The following PEBP4 variants were observed in gnomAD, a reference collection of about 807,000 sequenced individuals.
The protein encoded by PEBP4 is phosphatidylethanolamine-binding protein 4.
PEBP4 carries 22 observed loss-of-function variants against 23.9 expected under a neutral mutation model. That is an observed-to-expected ratio of 0.92 (90% CI 0.66 to 1.31). The LOEUF (loss-of-function observed/expected upper bound fraction) is 1.31, where lower values mean the gene tolerates loss of function less well. PEBP4 is among the 40% of genes most tolerant of loss of function. The pLI is 0.00. For synonymous variants in PEBP4, 112 were observed against 99.3 expected (o/e 1.13, Z -0.76); for missense variants, 324 against 281.7 (o/e 1.15, Z -1.07).
chr8:22,752,631 C>T (rs1805292572), intron 4 of PEBP4, among the ~76,000 whole-genome samples: 1 of 152,244 alleles, frequency 6.6e-6, no homozygotes, highest in African/African-American at 2.4e-5. Flanking sequence ...AGGGAATCTC[C>T]TCTTGCAACC....
At chr8:22,722,404 A>T (rs963169395) in intron 6 of PEBP4, among the ~76,000 whole-genome samples, 1 of 152,178 alleles carries the variant, frequency 6.6e-6, no homozygotes, top group African/African-American at 2.4e-5. Context: ...TGAAACTACT[A>T]ACTAGAGAGA....
intron 3 of PEBP4, among the ~76,000 whole-genome samples, chr8:22,862,751 A>G (rs1458990266): frequency 6.6e-6 from 1 of 150,376 alleles, no homozygotes; most frequent in Non-Finnish European, 1.5e-5. Context: ...AGCTAGTAGG[A>G]GTGGAGGTAC....
intron 3 of PEBP4, among the ~76,000 whole-genome samples, chr8:22,859,519 TAGA>T (rs1807721728): frequency 6.6e-6 from 1 of 152,140 alleles, no homozygotes; most frequent in African/African-American, 2.4e-5. Context: ...GGGACCTATT[TAGA>T]AGAAGAGGTT....
chr8:22,857,241 TACACACAC>T (rs35324307), intron 3 of PEBP4, among the ~76,000 whole-genome samples: 4 of 148,010 alleles, frequency 2.7e-5, no homozygotes, highest in East Asian at 4.0e-4. Flanking sequence ...AAATGAAACC[TACACACAC>T]ACACACACAC....
At chr8:22,860,224 A>G (rs566628210) in intron 3 of PEBP4, among the ~76,000 whole-genome samples, 42 of 146,642 alleles carry the variant, frequency 2.9e-4, no homozygotes, top group African/African-American at 1.0e-3. Context: ...ATGTATATAT[A>G]TATATGGTGC....
chr8:22,734,603 G>A (rs891780123), intron 4 of PEBP4, among the ~76,000 whole-genome samples: 11 of 152,176 alleles, frequency 7.2e-5, no homozygotes, highest in African/African-American at 2.7e-4. Context: ...GCACAGTCTG[G>A]CAATGGGACT....
chr8:22,725,999 ATGTGTGTGTG>A (rs10680983), intron 5 of PEBP4, among the ~76,000 whole-genome samples: 232 of 146,442 alleles, frequency 1.6e-3, no homozygotes, highest in African/African-American at 4.9e-3. Context: ...GATCAGATAT[ATGTGTGTGTG>A]TGTGTGTGTG....
chr8:22,920,264 C>A lies in PEBP4; in HGVS notation c.178G>T (p.Val60Phe). The A allele has an allele frequency of 1.2e-6, 2 of 1,613,770 alleles. No homozygotes were observed. The highest frequency in any genetic ancestry group is 1.7e-6 in the Non-Finnish European group (2 of 1,179,764). The change falls in exon 3 of 7, where the codon GTT (valine) becomes TTT (phenylalanine). Residue 60 changes from valine to phenylalanine, a missense_variant. Val to Phe is a conservative substitution (Grantham distance 50, BLOSUM62 -1). Transcript: ENST00000256404. The part of the protein sequence containing the change: ...YPELGNIGCK[V>F]VPDCNNYRQK... Reference sequence around the variant, plus strand: ...CTGTAGTTGTTACAATCAGGAACAACCTTGCAGCCAATGTTCCCCAACTCT... The same window carrying A: ...CTGTAGTTGTTACAATCAGGAACAAACTTGCAGCCAATGTTCCCCAACTCT...
chr8:22,727,546 G>A (rs982962069), intron 4 of PEBP4, among the ~76,000 whole-genome samples: 1 of 152,092 alleles, frequency 6.6e-6, no homozygotes. Context: ...GCTGTTCCAC[G>A]ATCCCTATTG....
At chr8:22,839,849 C>T (rs182445486) in intron 3 of PEBP4, among the ~76,000 whole-genome samples, 3 of 152,220 alleles carry the variant, frequency 2.0e-5, no homozygotes, top group African/African-American at 7.2e-5. Context: ...TTTTTACCCC[C>T]TCGCCCAAAC....
In PEBP4 at chr8:22,768,236, T is replaced by C. The variant is rs1011059397; in HGVS notation, c.358-41016A>G. Among the ~76,000 whole-genome samples the C allele has an allele frequency of 2.6e-5, 4 of 152,320 alleles. No homozygotes were observed. In the South Asian group the frequency reaches 6.2e-4, roughly 24 times the overall value. On this transcript the variant is annotated intron_variant, in intron 4 of 6. Coordinates refer to ENST00000256404, the MANE Select transcript of PEBP4 (RefSeq NM_144962.3). ...TGAAGTGACTGCCCACGAACACTTC[T>C]TGTGTCCCTCTGCCCCCTGGTAGAT...
intron 3 of PEBP4, among the ~76,000 whole-genome samples, chr8:22,867,431 T>C (rs748323251): frequency 6.6e-6 from 1 of 152,176 alleles, no homozygotes. Context: ...CTTGTGCCGT[T>C]CTGCCCATCT....
intron 4 of PEBP4, chr8:22,744,530 C>T (rs1220712260): frequency 6.6e-6 from 1 of 152,246 alleles, no homozygotes; most frequent in Non-Finnish European, 1.5e-5. Flanking sequence ...GCAGAGGAGC[C>T]CACGCATGCA....
At chr8:22,779,528 A>G (rs1320870421) in intron 4 of PEBP4, among the ~76,000 whole-genome samples, 1 of 152,036 alleles carries the variant, frequency 6.6e-6, no homozygotes. Context: ...CACCCCCATT[A>G]TATGGAGAGA....
Position 22,747,970 on chromosome 8 carries a change from A to C in PEBP4, c.358-20750T>G, listed in dbSNP as rs555210959. Among the ~76,000 whole-genome samples, 472 of 152,358 alleles carry C rather than the reference A, an allele frequency of 3.1e-3. 7 individuals carry two copies. The highest frequency in any genetic ancestry group is 1.7e-3 in the Non-Finnish European group (117 of 68,036). On this transcript the variant is annotated intron_variant, in intron 4 of 6. Transcript: ENST00000256404. The stretch of plus-strand genomic sequence containing the variant: ...TGGCGCTGGAGGAGAGGTTCGTCCC[A>C]GCCTGGGTGGAGAGCGGAGGAAAGG...
chr8:22,730,124 C>T (rs903294024), intron 4 of PEBP4, among the ~76,000 whole-genome samples: 1 of 152,170 alleles, frequency 6.6e-6, no homozygotes, highest in African/African-American at 2.4e-5. Context: ...ACAATCCCAT[C>T]AGTTCTATGG....
At chr8:22,867,687 G>T (rs1001512394) in intron 3 of PEBP4, among the ~76,000 whole-genome samples, 1 of 152,220 alleles carries the variant, frequency 6.6e-6, no homozygotes, top group African/African-American at 2.4e-5. Context: ...TGCACAGAAT[G>T]CAGACTAGCA....
chr8:22,772,248 C>G (rs1369910681), intron 4 of PEBP4, among the ~76,000 whole-genome samples: 1 of 152,202 alleles, frequency 6.6e-6, no homozygotes, highest in African/African-American at 2.4e-5. Context: ...CCAGGGTTGT[C>G]TAGCTGGTGA....
In PEBP4 at chr8:22,736,671, G is replaced by A. The variant is rs1291514785; in HGVS notation, c.358-9451C>T. 2.0e-5 allele frequency among the ~76,000 whole-genome samples: 3 copies of A among 152,174 alleles called. No individual in the cohort carries two copies. The East Asian group carries it at 5.8e-4, about 29-fold the overall frequency. Reference sequence around the variant, plus strand: ...ATATCAGGAGTTTGTTGCTAAATGTGATTACTATGCACTGATATCACTTTA... The same window carrying A: ...ATATCAGGAGTTTGTTGCTAAATGTAATTACTATGCACTGATATCACTTTA... On this transcript the variant is annotated intron_variant, in intron 4 of 6. Transcript: ENST00000256404.
Sources: allele counts gnomAD v4.1 joint callset (sites outside exome capture counted in the v4.1 genomes callset), GRCh38; gene constraint gnomAD v4.1.1; transcripts MANE v1.5; gene names NCBI Gene and HGNC (gene_info 2026-07-23, HGNC 2026-07-21).